AKNA: variants seen among roughly 807,000 people sequenced by gnomAD.
AKNA encodes microtubule organization protein AKNA.
A neutral mutation model predicts 138.8 loss-of-function variants in AKNA; 67 were observed. The ratio of observed to expected loss-of-function variants is 0.48; its 90% CI spans 0.40 to 0.59. The LOEUF (loss-of-function observed/expected upper bound fraction) is 0.59. Among genes scored for constraint, AKNA ranks in the 20% least tolerant of loss-of-function variants. The pLI, the probability that AKNA is intolerant of heterozygous loss-of-function variation, is 0.00. For synonymous variants in AKNA, 737 were observed against 754.4 expected (o/e 0.98, Z 0.38); for missense variants, 1,813 against 1,880.4 (o/e 0.96, Z 0.66).
At chr9:114,343,358 C>T (rs954654996) in intron 19 of AKNA, among the ~76,000 whole-genome samples, 3 of 152,110 alleles carry the variant, frequency 2.0e-5, no homozygotes, top group Admixed American at 1.3e-4. Flanking sequence ...GATTATCGGG[C>T]CACTGCTCTC....
At chr9:114,366,147 C>T (rs552519462) in intron 6 of AKNA, among the ~76,000 whole-genome samples, 3 of 151,912 alleles carry the variant, frequency 2.0e-5, no homozygotes, top group South Asian at 2.1e-4. Context: ...GGCATGGTGG[C>T]GCGTGCCTGT....
chr9:114,330,739 C>G (rs1829836815), downstream of AKNA: 7 of 1,601,242 alleles, frequency 4.4e-6, no homozygotes, highest in Admixed American at 1.7e-5. Context: ...GGCGATTGGC[C>G]ACTTCTCCTC....
At chr9:114,347,944 G>A in intron 15 of AKNA, 44 bp from the exon 16 acceptor site, 1 of 1,539,112 alleles carries the variant, frequency 6.5e-7, no homozygotes. Context: ...GAGGCATGAG[G>A]AACAGAGCTG....
intron 1 of AKNA, among the ~76,000 whole-genome samples, chr9:114,382,669 C>T (rs888465880): frequency 1.3e-5 from 2 of 151,718 alleles, no homozygotes; most frequent in African/African-American, 2.4e-5. Flanking sequence ...CATGAAGTCC[C>T]AACACATGCT....
rs780607621 is a variant in AKNA at position 114,362,489 on chromosome 9, C to T, written c.1833G>A (p.Glu611=). The change falls in exon 8 of 22, where the codon GAG becomes GAA. Residue 611 remains glutamate (E), a synonymous_variant. Coordinates refer to ENST00000374088, the MANE Select transcript of AKNA (RefSeq NM_001317950.2). ...GTTGCTCCCGACAAGCCTTCAGGTACTCCTCCTCTAGGGCCGCGTGGGCAG... is the reference window on the plus strand; with the variant it reads ...GTTGCTCCCGACAAGCCTTCAGGTATTCCTCCTCTAGGGCCGCGTGGGCAG... ...LKAAHAALEE[E]YLKACREQHP... 2 of 1,613,486 alleles carry T rather than the reference C, an allele frequency of 1.2e-6. No individual in the cohort carries two copies. Among genetic ancestry groups the T allele is most frequent in the Admixed American group, 1.7e-5 (1 of 59,960 alleles).
At chr9:114,342,938 A>G (rs1313219433) in intron 19 of AKNA, among the ~76,000 whole-genome samples, 1 of 152,244 alleles carries the variant, frequency 6.6e-6, no homozygotes, top group African/African-American at 2.4e-5. Flanking sequence ...TAGCACAGGA[A>G]GAGCATAGTG....
intron 21 of AKNA, among the ~76,000 whole-genome samples, chr9:114,338,035 G>A (rs1026182025): frequency 1.3e-5 from 2 of 152,200 alleles, no homozygotes; most frequent in Admixed American, 1.3e-4. Context: ...GGGCAAGAGG[G>A]GGTGTGGCCT....
rs1588930617 is a variant in AKNA at position 114,336,880 on chromosome 9, A to C, written c.*174T>G. 1.3e-6 allele frequency: 1 copy of C among 752,686 alleles called. No individual in the cohort carries two copies. The highest frequency in any genetic ancestry group is 1.9e-6 in the Non-Finnish European group (1 of 532,846). 46.6% of individuals were successfully genotyped at this position (752,686 alleles called of 1,614,324 possible). On this transcript the variant is annotated 3_prime_UTR_variant, in exon 22 of 22. Coordinates refer to ENST00000374088, the MANE Select transcript of AKNA (RefSeq NM_001317950.2). Reference sequence around the variant, plus strand: ...CACTTCTCTTGGTGACCGAGCTGACACCCCCTCCACTTGGAAAGCACAGGG... The same window carrying C: ...CACTTCTCTTGGTGACCGAGCTGACCCCCCCTCCACTTGGAAAGCACAGGG...
At chr9:114,385,941 T>C (rs1446193148) in intron 1 of AKNA, among the ~76,000 whole-genome samples, 1 of 152,142 alleles carries the variant, frequency 6.6e-6, no homozygotes, top group African/African-American at 2.4e-5. Context: ...TGGGCTTGCA[T>C]TTTCCTCACT....
At chr9:114,362,618 C>A (rs1348431388) in intron 7 of AKNA, 85 bp from the exon 8 acceptor site, 1 of 1,473,640 alleles carries the variant, frequency 6.8e-7, no homozygotes. Flanking sequence ...AGACAGCTTG[C>A]GGGAGGCCAT....
chr9:114,369,428 A>G lies in AKNA; in HGVS notation c.1417-833T>C, dbSNP rs1484401918. Among the ~76,000 whole-genome samples, 3 of 152,228 alleles carry G rather than the reference A, an allele frequency of 2.0e-5. 1 individual carries two copies. Among genetic ancestry groups the G allele is most frequent in the South Asian group, 2.1e-4 (1 of 4,832 alleles). On this transcript the variant is annotated intron_variant, in intron 4 of 21. Transcript: ENST00000374088. The stretch of plus-strand genomic sequence containing the variant: ...GTGACAGAGACTATATGCTCCACAA[A>G]GCCAAACATTGTCACAATCTGGCCC...
chr9:114,370,941 G>A (rs530277788), intron 4 of AKNA, among the ~76,000 whole-genome samples: 4 of 152,300 alleles, frequency 2.6e-5, no homozygotes, highest in South Asian at 2.1e-4. Context: ...CATCATCTCC[G>A]TAATTCCTTC....
At position 114,361,727 on chromosome 9, in the gene AKNA, C is replaced by T. The variant is rs762306700; in HGVS notation, c.2101G>A (p.Ala701Thr). 1.2e-6 allele frequency: 2 copies of T among 1,613,360 alleles called. No homozygotes were observed. Among genetic ancestry groups the T allele is most frequent in the Non-Finnish European group, 8.5e-7 (1 of 1,180,030 alleles). Residue 701 changes from alanine (A) to threonine (T), a missense_variant, in exon 9 of 22, where the codon GCC (alanine) becomes ACC (threonine). Physicochemically the swap from Ala to Thr is moderately conservative, Grantham distance 58. Coordinates refer to ENST00000374088, the MANE Select transcript of AKNA (RefSeq NM_001317950.2). ...PAPSGQAPMPAIKTSCPEPAT... is the reference protein window; with the variant it reads ...PAPSGQAPMPTIKTSCPEPAT... ...ACCTCAGGGCAGGAGGTCTTGATGG[C>T]TGGCATGGGGGCTTGTCCAGAAGGA... is the stretch of plus-strand genomic sequence containing the variant.
At chr9:114,343,642 C>T (rs938997860) in intron 19 of AKNA, 66 bp downstream of exon 19, 31 of 1,517,938 alleles carry the variant, frequency 2.0e-5, no homozygotes, top group Non-Finnish European at 2.6e-5. Flanking sequence ...CAAGTACACA[C>T]TCCCCTGAGG....
In AKNA at chr9:114,347,725, T is replaced by C. The variant is rs1216728837; in HGVS notation, c.3397A>G (p.Ser1133Gly). 2.0e-6 allele frequency: 3 copies of C among 1,520,242 alleles called. No homozygotes were observed. The highest frequency in any genetic ancestry group is 2.6e-6 in the Non-Finnish European group (3 of 1,132,702). The allele number at this position is 1,520,242 out of a possible 1,614,324, so 94.2% of individuals were successfully genotyped here. The change falls in exon 16 of 22, where the codon AGT becomes GGT. Residue 1133 changes from serine (S) to glycine (G), a missense_variant and splice_region_variant. By Grantham distance (56) the Ser-to-Gly change is moderately conservative (BLOSUM62 0). Transcript: ENST00000374088. ...SPATWGSHYG[S>G]KSTERLPGEP... is the part of the protein sequence containing the mutation. Reference sequence around the variant, plus strand: ...GGTGGGAGTTTTGAGGTCACCCACCTGCCATAATGGGAGCCCCAGGTGGCT... The same window carrying C: ...GGTGGGAGTTTTGAGGTCACCCACCCGCCATAATGGGAGCCCCAGGTGGCT...
At position 114,335,983 on chromosome 9, in the gene AKNA, A is replaced by C. The variant is rs1829975167; in HGVS notation, c.*1071T>G. 1 of 152,152 alleles carries C rather than the reference A, an allele frequency of 6.6e-6. No homozygotes were observed. Among genetic ancestry groups the C allele is most frequent in the East Asian group, 1.9e-4 (1 of 5,172 alleles). 9.4% of individuals were successfully genotyped at this position (152,152 alleles called of 1,614,324 possible). On this transcript the variant is annotated 3_prime_UTR_variant, in exon 22 of 22. Coordinates refer to ENST00000374088, the MANE Select transcript of AKNA (RefSeq NM_001317950.2). The stretch of plus-strand genomic sequence containing the variant: ...GTTCTGAGATAGGCAAAGGGGGAAA[A>C]CTGGAGAAACAGAAGCCACCAGAGG...
chr9:114,388,084 A>C, upstream of AKNA: 1 of 270,304 alleles, frequency 3.7e-6, no homozygotes, highest in South Asian at 2.8e-5. Flanking sequence ...GCCCAGCCTG[A>C]TTTCCTACAA....
At chr9:114,362,664 C>A in intron 7 of AKNA, 131 bp from the exon 8 acceptor site, 1 of 1,267,032 alleles carries the variant, frequency 7.9e-7, no homozygotes, top group Non-Finnish European at 1.0e-6. Context: ...ATGCAAGATA[C>A]AGGCTGAGGT....
chr9:114,343,926 C>T (rs1226243285), intron 18 of AKNA, 123 bp from the exon 19 acceptor site: 22 of 826,556 alleles, frequency 2.7e-5, no homozygotes, highest in Middle Eastern at 2.3e-4. Context: ...CTCTCTCTCA[C>T]GTGTGCACAC....
Sources: gnomAD v4.1 joint callset for allele counts (sites outside exome capture counted in the v4.1 genomes callset) on GRCh38, gnomAD v4.1.1 for gene constraint, MANE v1.5 for transcripts, NCBI Gene and HGNC (gene_info 2026-07-23, HGNC 2026-07-21) for gene names.